RAPGEF1: variants seen among roughly 807,000 people sequenced by gnomAD.
The protein encoded by RAPGEF1 is CRK SH3-binding GNRP.
Under a neutral mutation model 143.3 loss-of-function variants are expected in RAPGEF1, and 33 were observed. That is an observed-to-expected ratio of 0.23 (90% confidence interval 0.17 to 0.31). RAPGEF1 has a LOEUF of 0.31. Ranked by LOEUF, RAPGEF1 falls within the 10% of genes least tolerant of loss-of-function variation. The pLI is 1.00. For missense variants in RAPGEF1, 1,199 were observed against 1,645.4 expected (o/e 0.73, Z 4.69); for synonymous variants, 629 against 676.5 (o/e 0.93, Z 1.09).
chr9:131,638,795 C>A lies in RAPGEF1; in HGVS notation c.495-4G>T. 6.2e-7 allele frequency: 1 copy of A among 1,613,574 alleles called. No homozygotes were observed. Among genetic ancestry groups the A allele is most frequent in the Non-Finnish European group, 8.5e-7 (1 of 1,179,644 alleles). On this transcript the variant is annotated splice_region_variant and splice_polypyrimidine_tract_variant and intron_variant, in intron 4 of 26. Transcript: ENST00000683357. The stretch of plus-strand genomic sequence containing the variant: ...ATAGCAGGAAGAGAGGGCTGAGCTA[C>A]AGGGAAGAGAAGAATGGAAAAAAAG...
chr9:131,624,856 C>A (rs1331701698), intron 10 of RAPGEF1, among the ~76,000 whole-genome samples: 1 of 152,230 alleles, frequency 6.6e-6, no homozygotes, highest in East Asian at 1.9e-4. Context: ...GCTGGGGGAC[C>A]ACACTGCTGA....
chr9:131,626,370 G>A lies in RAPGEF1; in HGVS notation c.1254C>T (p.Asp418=). 1 of 1,613,792 alleles carries A rather than the reference G, an allele frequency of 6.2e-7. No homozygotes were observed. The highest frequency in any genetic ancestry group is 8.5e-7 in the Non-Finnish European group (1 of 1,179,758). The change falls in exon 10 of 27, where the codon GAC becomes GAT. Residue 418 remains aspartate (D), a synonymous_variant. Transcript: ENST00000683357. ...EFLQQDLSNA[D]QIPQQTAWNL... is the part of the protein sequence containing the mutation. The stretch of plus-strand genomic sequence containing the variant: ...TCCAGGCCGTCTGCTGAGGTATCTG[G>A]TCTGCGTTAGAGAGGTCTTGCTGGA...
intron 11 of RAPGEF1, among the ~76,000 whole-genome samples, chr9:131,620,982 G>C (rs939197920): frequency 2.6e-5 from 4 of 152,254 alleles, no homozygotes; most frequent in African/African-American, 9.6e-5. Context: ...GGAGCTCCCT[G>C]CTGGGGAGCT....
At chr9:131,611,431 T>C (rs998819215) in intron 12 of RAPGEF1, among the ~76,000 whole-genome samples, 6 of 152,240 alleles carry the variant, frequency 3.9e-5, no homozygotes, top group African/African-American at 1.4e-4. Context: ...AAGTTCCTTA[T>C]TAAGTTCCTT....
At chr9:131,696,872 A>G (rs567344864) in intron 1 of RAPGEF1, among the ~76,000 whole-genome samples, 1 of 152,376 alleles carries the variant, frequency 6.6e-6, no homozygotes, top group African/African-American at 2.4e-5. Flanking sequence ...AGGTGCTATA[A>G]TAACATTAAC....
intron 19 of RAPGEF1, among the ~76,000 whole-genome samples, chr9:131,589,598 G>A (rs930075885): frequency 2.0e-5 from 3 of 152,324 alleles, no homozygotes; most frequent in South Asian, 2.1e-4. Context: ...CTGAGAGCAC[G>A]GCCTGCTGGA....
chr9:131,732,490 T>C (rs1200817609), intron 1 of RAPGEF1, among the ~76,000 whole-genome samples: 1 of 152,216 alleles, frequency 6.6e-6, no homozygotes, highest in Non-Finnish European at 1.5e-5. Flanking sequence ...GAACGTGCAC[T>C]GACCAATGGA....
intron 10 of RAPGEF1, among the ~76,000 whole-genome samples, chr9:131,625,680 A>G (rs1962779982): frequency 6.6e-6 from 1 of 152,210 alleles, no homozygotes; most frequent in Admixed American, 6.5e-5. Flanking sequence ...CCCTCAGGCT[A>G]CATGGAGACC....
In RAPGEF1 at chr9:131,616,032, C is replaced by T. The variant is rs548739192; in HGVS notation, c.2061+3019G>A. On this transcript the variant is annotated intron_variant, in intron 12 of 26. Coordinates refer to ENST00000683357, the MANE Select transcript of RAPGEF1 (RefSeq NM_001377935.1). ...CTGTAATCCCAGCACTTTGGGAGGC[C>T]GAGGTGGGCAGATCACCTGAGGTCA... 1.1e-3 allele frequency among the ~76,000 whole-genome samples: 170 copies of T among 152,176 alleles called. 3 individuals carry two copies. In the South Asian group the frequency reaches 0.02, roughly 18 times the overall value.
intron 12 of RAPGEF1, among the ~76,000 whole-genome samples, chr9:131,608,380 TATTA>T (rs1475043022): frequency 1.3e-5 from 2 of 152,182 alleles, no homozygotes; most frequent in Non-Finnish European, 2.9e-5. Context: ...CTAGGCACTG[TATTA>T]ATTAAGGTGT....
chr9:131,595,043 G>C (rs1222004697), intron 17 of RAPGEF1, among the ~76,000 whole-genome samples: 2 of 152,244 alleles, frequency 1.3e-5, no homozygotes, highest in African/African-American at 4.8e-5. Context: ...TGCTGATCAC[G>C]CCCCCAGCAC....
chr9:131,606,753 A>T (rs1957181569), intron 12 of RAPGEF1, among the ~76,000 whole-genome samples: 1 of 152,162 alleles, frequency 6.6e-6, no homozygotes, highest in East Asian at 1.9e-4. Context: ...GTTCCTGAGT[A>T]GCTGGGACCA....
intron 16 of RAPGEF1, among the ~76,000 whole-genome samples, chr9:131,596,817 T>C (rs1955381822): frequency 6.6e-6 from 1 of 152,190 alleles, no homozygotes; most frequent in African/African-American, 2.4e-5. Flanking sequence ...CATGTTCATG[T>C]TCCCCAAAAC....
chr9:131,673,508 C>CTT (rs1485076376), intron 1 of RAPGEF1, among the ~76,000 whole-genome samples: 1 of 152,216 alleles, frequency 6.6e-6, no homozygotes, highest in Admixed American at 6.5e-5. Context: ...TGATAACCAC[C>CTT]TTTTACATTT....
At chr9:131,639,830 CAA>C (rs966962500) in intron 4 of RAPGEF1, among the ~76,000 whole-genome samples, 2 of 152,006 alleles carry the variant, frequency 1.3e-5, no homozygotes, top group African/African-American at 4.8e-5. Flanking sequence ...GTTCTAAAAA[CAA>C]AGCTATTTAG....
intron 5 of RAPGEF1, among the ~76,000 whole-genome samples, chr9:131,633,317 G>A (rs1167520041): frequency 6.6e-6 from 1 of 152,184 alleles, no homozygotes; most frequent in Admixed American, 6.5e-5. Flanking sequence ...GACGGTGGGA[G>A]AAGCAGCTCT....
Position 131,641,071 on chromosome 9 carries a change from A to G in RAPGEF1, c.494+2168T>C, listed in dbSNP as rs1030996316. Among the ~76,000 whole-genome samples the G allele has an allele frequency of 2.0e-5, 3 of 152,070 alleles. No individual in the cohort carries two copies. Among genetic ancestry groups the G allele is most frequent in the African/African-American group, 7.2e-5 (3 of 41,404 alleles). On this transcript the variant is annotated intron_variant, in intron 4 of 26. Transcript: ENST00000683357. The surrounding 1 kb of genome is among the most constrained non-coding windows in gnomAD (Gnocchi z 4.6). ...TCAATTAAGAGCCACCCCTCAATAG[A>G]CAAAAAATACCCCCAGCCATTACCA...
intron 1 of RAPGEF1, among the ~76,000 whole-genome samples, chr9:131,703,194 C>T (rs972230146): frequency 6.6e-6 from 1 of 152,138 alleles, no homozygotes; most frequent in Non-Finnish European, 1.5e-5. Flanking sequence ...TAGACAGGGT[C>T]TCACTGTGTG....
intron 1 of RAPGEF1, among the ~76,000 whole-genome samples, chr9:131,688,991 C>T (rs1275634315): frequency 1.3e-5 from 2 of 152,144 alleles, no homozygotes; most frequent in Non-Finnish European, 2.9e-5. Flanking sequence ...TTTGTCTTGA[C>T]AAATAATGGT....
Sources: gnomAD v4.1 joint callset for allele counts (sites outside exome capture counted in the v4.1 genomes callset) on GRCh38, gnomAD v4.1.1 for gene constraint, Gnocchi (gnomAD v3.1) non-coding constraint, MANE v1.5 for transcripts, NCBI Gene and HGNC (gene_info 2026-07-23, HGNC 2026-07-21) for gene names.